PLCH1: variants seen among roughly 807,000 people sequenced by gnomAD.
The protein encoded by PLCH1 is 1-phosphatidylinositol 4,5-bisphosphate phosphodiesterase eta-1.
In PLCH1, 60 loss-of-function variants were observed where a neutral mutation model predicts 126.7. The observed-to-expected ratio is 0.47, with a 90% confidence interval of 0.38 to 0.59. The LOEUF (loss-of-function observed/expected upper bound fraction) is 0.59, where lower values mean the gene tolerates loss of function less well. Ranked by LOEUF, PLCH1 falls within the 20% of genes least tolerant of loss-of-function variation. The pLI is 0.00. For missense variants in PLCH1, 1,723 were observed against 2,040.0 expected, an observed-to-expected ratio of 0.84 and a Z score of 2.99; for synonymous variants, 719 against 734.9, an observed-to-expected ratio of 0.98 and a Z score of 0.35.
intron 21 of PLCH1, among the ~76,000 whole-genome samples, chr3:155,471,851 C>T (rs1244610279): frequency 6.6e-6 from 1 of 152,020 alleles, no homozygotes; most frequent in Non-Finnish European, 1.5e-5. Context: ...GAAATGAAGG[C>T]AGAAATAAAG....
Position 155,485,562 on chromosome 3 carries a change from T to C in PLCH1, c.2768A>G (p.Lys923Arg). Reference sequence around the variant, plus strand: ...CATTTCTTGGAAGCCCATTTTGCTCTTTTTCCTGCCTTTGGCTGGGGCGCT... The same window carrying C: ...CATTTCTTGGAAGCCCATTTTGCTCCTTTTCCTGCCTTTGGCTGGGGCGCT... ...TASAPAKGRKKSKMGFQEMVE... is the reference protein window; with the variant it reads ...TASAPAKGRKRSKMGFQEMVE... The change falls in exon 22 of 23, where the codon AAG (lysine) becomes AGG (arginine). Residue 923 changes from lysine to arginine, a missense_variant. Around this residue, in one of 2 missense-constraint regions of PLCH1, gnomAD observed 947 missense variants for 977.1 expected, o/e 0.97. Transcript: ENST00000460012. The C allele has an allele frequency of 1.2e-6, 2 of 1,614,176 alleles. No individual in the cohort carries two copies. The highest frequency in any genetic ancestry group is 1.1e-5 in the South Asian group (1 of 91,084).
chr3:155,533,636 T>C (rs1722975095), intron 10 of PLCH1, among the ~76,000 whole-genome samples: 1 of 152,216 alleles, frequency 6.6e-6, no homozygotes, highest in South Asian at 2.1e-4. Context: ...TGGAGCTGAA[T>C]GTTAGTCACC....
At chr3:155,496,996 C>G (rs1358219561) in intron 15 of PLCH1, among the ~76,000 whole-genome samples, 1 of 152,230 alleles carries the variant, frequency 6.6e-6, no homozygotes, top group Non-Finnish European at 1.5e-5. Context: ...ACCTGGTCCT[C>G]AAGCCGGGCC....
chr3:155,724,841 G>GTA lies in PLCH1; in HGVS notation c.-41+19998_-41+19999insTA, dbSNP rs1174839002. Among the ~76,000 whole-genome samples the GTA allele has an allele frequency of 4.6e-5, 7 of 151,734 alleles. No homozygotes were observed. The South Asian group carries it at 1.5e-3, about 32-fold the overall frequency. On this transcript the variant is annotated intron_variant, in intron 1 of 22. Coordinates refer to ENST00000460012, the MANE Select transcript of PLCH1 (RefSeq NM_014996.4). ...TGTGTGTGTGTGTGTGTGTGTGTGT[G>GTA]TGTGTGTGTGTGTAATTGTTATATA...
Position 155,482,683 on chromosome 3 carries a change from A to T in PLCH1, c.3343T>A (p.Leu1115Met), listed in dbSNP as rs1165061747. 6.2e-7 allele frequency: 1 copy of T among 1,614,106 alleles called. No homozygotes were observed. The highest frequency in any genetic ancestry group is 1.3e-5 in the African/African-American group (1 of 74,932). Residue 1115 changes from leucine to methionine, a missense_variant, in exon 23 of 23, where the codon TTG (leucine) becomes ATG (methionine). This residue lies in a region of PLCH1 where 947 missense variants were observed against 977.1 expected (regional missense o/e 0.97). Transcript: ENST00000460012. ...PEDFVEGKSI[L>M]SGSVLSHSNL... ...CTATGAGAAAGGACGCTTCCTGACA[A>T]GATGCTTTTCCCTTCCACAAAGTCC... is the stretch of plus-strand genomic sequence containing the variant.
At chr3:155,619,589 TTAAGGCTTTC>T (rs1165294597) in intron 2 of PLCH1, among the ~76,000 whole-genome samples, 1 of 151,766 alleles carries the variant, frequency 6.6e-6, no homozygotes, top group Non-Finnish European at 1.5e-5. Context: ...CCCTGTTGCT[TTAAGGCTTTC>T]TAAGGGGCAA....
At chr3:155,671,705 A>C (rs936276521) in intron 2 of PLCH1, among the ~76,000 whole-genome samples, 1 of 152,172 alleles carries the variant, frequency 6.6e-6, no homozygotes, top group Non-Finnish European at 1.5e-5. Flanking sequence ...CTACAGGGAT[A>C]ACCAATACAG....
At chr3:155,632,063 G>T (rs770651716) in intron 2 of PLCH1, among the ~76,000 whole-genome samples, 3 of 152,160 alleles carry the variant, frequency 2.0e-5, no homozygotes, top group Non-Finnish European at 4.4e-5. Flanking sequence ...AGTCTGGCCA[G>T]CTTGACTCAT....
At chr3:155,694,311 G>A (rs1745642764) in intron 2 of PLCH1, among the ~76,000 whole-genome samples, 4 of 152,166 alleles carry the variant, frequency 2.6e-5, no homozygotes, top group Admixed American at 2.6e-4. Flanking sequence ...CTGGGACCCA[G>A]GAAATAGTTT....
At chr3:155,502,535 T>C (rs575201533) in intron 13 of PLCH1, among the ~76,000 whole-genome samples, 1 of 152,186 alleles carries the variant, frequency 6.6e-6, no homozygotes, top group African/African-American at 2.4e-5. Context: ...TTCCACATAG[T>C]TAGTAATTTG....
chr3:155,552,385 T>C (rs1272428033), intron 9 of PLCH1, among the ~76,000 whole-genome samples: 1 of 152,160 alleles, frequency 6.6e-6, no homozygotes, highest in Non-Finnish European at 1.5e-5. Context: ...CTATATGATA[T>C]GACAGAAATA....
At chr3:155,716,830 A>T (rs1747554451) in intron 1 of PLCH1, among the ~76,000 whole-genome samples, 1 of 152,172 alleles carries the variant, frequency 6.6e-6, no homozygotes, top group Non-Finnish European at 1.5e-5. Flanking sequence ...ATTGCAAAAT[A>T]CAATAATGTC....
downstream of PLCH1, among the ~76,000 whole-genome samples, chr3:155,478,380 T>C (rs1264848604): frequency 1.3e-5 from 2 of 152,120 alleles, no homozygotes; most frequent in Non-Finnish European, 2.9e-5. Flanking sequence ...CTGTATATTT[T>C]AAAATAAAGA....
chr3:155,635,763 T>C (rs2108832216), intron 2 of PLCH1, among the ~76,000 whole-genome samples: 1 of 152,362 alleles, frequency 6.6e-6, no homozygotes, highest in Non-Finnish European at 1.5e-5. Flanking sequence ...ATCTAATTAA[T>C]TACTGATTTT....
intron 2 of PLCH1, among the ~76,000 whole-genome samples, chr3:155,633,100 C>T (rs1738242013): frequency 6.6e-6 from 1 of 152,006 alleles, no homozygotes; most frequent in Non-Finnish European, 1.5e-5. Flanking sequence ...GGAGGTGAGA[C>T]AGTCAGGAGA....
At chr3:155,469,222 C>T (rs1277502043) in intron 21 of PLCH1, among the ~76,000 whole-genome samples, 3 of 152,154 alleles carry the variant, frequency 2.0e-5, no homozygotes, top group African/African-American at 7.2e-5. Flanking sequence ...GGTGTGCGCA[C>T]CGTGTGCGAG....
intron 2 of PLCH1, among the ~76,000 whole-genome samples, chr3:155,621,398 A>T (rs1383113096): frequency 6.6e-6 from 1 of 152,228 alleles, no homozygotes; most frequent in African/African-American, 2.4e-5. Flanking sequence ...ACAAAACTGG[A>T]TGGAGAATGA....
chr3:155,738,824 GCC>G (rs1442248851), intron 1 of PLCH1, among the ~76,000 whole-genome samples: 1 of 151,414 alleles, frequency 6.6e-6, no homozygotes, highest in Non-Finnish European at 1.5e-5. Flanking sequence ...GGTGGCACAC[GCC>G]CGTAGTCCCA....
chr3:155,583,991 T>C (rs1195365054), intron 5 of PLCH1, among the ~76,000 whole-genome samples: 2 of 150,816 alleles, frequency 1.3e-5, no homozygotes, highest in African/African-American at 4.9e-5. Flanking sequence ...ATACACTACA[T>C]ATTAAAACTT....
Sources: allele counts gnomAD v4.1 joint callset (sites outside exome capture counted in the v4.1 genomes callset), GRCh38; gene constraint gnomAD v4.1.1; regional missense constraint gnomAD v4.1.1; transcripts MANE v1.5; gene names NCBI Gene and HGNC (gene_info 2026-07-23, HGNC 2026-07-21).